Variants in RBMS3 observed in about 807,000 individuals in gnomAD.
RBMS3 encodes RNA-binding motif, single-stranded-interacting protein 3.
RBMS3 carries 27 observed loss-of-function variants against 66.8 expected under a neutral mutation model. The observed-to-expected ratio is 0.40, with a 90% confidence interval of 0.30 to 0.56. The LOEUF (loss-of-function observed/expected upper bound fraction) is 0.56. Ranked by LOEUF, RBMS3 falls within the 20% of genes least tolerant of loss-of-function variation. The pLI, the probability that RBMS3 is intolerant of heterozygous loss-of-function variation, is 0.40. For synonymous variants in RBMS3, 188 were observed against 183.0 expected (o/e 1.03, Z -0.22); for missense variants, 513 against 549.5 (o/e 0.93, Z 0.66).
rs149764074 is a variant in RBMS3 at position 29,818,567 on chromosome 3, A to G, written c.638-50291A>G. Reference sequence around the variant, plus strand: ...AATCTTTAAACACAAATGTTGTGAAAAGTTTTATATATTTATGAATACTAT... The same window carrying G: ...AATCTTTAAACACAAATGTTGTGAAGAGTTTTATATATTTATGAATACTAT... On this transcript the variant is annotated intron_variant, in intron 6 of 14. Coordinates refer to ENST00000383767, the MANE Select transcript of RBMS3 (RefSeq NM_001003793.3). Among the ~76,000 whole-genome samples the G allele has an allele frequency of 4.5e-3, 692 of 152,186 alleles. 19 individuals carry two copies. The highest frequency in any genetic ancestry group is 0.034 in the Admixed American group (520 of 15,272).
chr3:29,709,424 T>A (rs73829315), intron 4 of RBMS3, among the ~76,000 whole-genome samples: 1 of 152,108 alleles, frequency 6.6e-6, no homozygotes, highest in African/African-American at 2.4e-5. Flanking sequence ...GTATCAGCTC[T>A]TGATGGAATT....
At chr3:29,649,076 C>A (rs1483059840) in intron 4 of RBMS3, among the ~76,000 whole-genome samples, 6 of 152,152 alleles carry the variant, frequency 3.9e-5, no homozygotes, top group Admixed American at 2.0e-4. Context: ...AGTATAACTT[C>A]TTTGGTCTAA....
chr3:29,514,658 T>TATATATATATATATATATATAC (rs1559427296), intron 3 of RBMS3, among the ~76,000 whole-genome samples: 7 of 142,040 alleles, frequency 4.9e-5, no homozygotes, highest in African/African-American at 1.9e-4. Context: ...CACATATATA[T>TATATATATATATATATATATAC]ATATATATAT....
intron 6 of RBMS3, among the ~76,000 whole-genome samples, chr3:29,775,498 T>C (rs750746925): frequency 1.3e-5 from 2 of 151,992 alleles, no homozygotes; most frequent in Non-Finnish European, 2.9e-5. Flanking sequence ...AATTTGTGAG[T>C]AGCATGCGAA....
intron 4 of RBMS3, among the ~76,000 whole-genome samples, chr3:29,724,445 A>G (rs1044784381): frequency 6.6e-6 from 1 of 152,152 alleles, no homozygotes; most frequent in Non-Finnish European, 1.5e-5. Context: ...CTCTAAGGTT[A>G]TTAGTATTAT....
intron 4 of RBMS3, among the ~76,000 whole-genome samples, chr3:29,714,056 A>C (rs1398808521): frequency 6.6e-6 from 1 of 151,180 alleles, no homozygotes; most frequent in East Asian, 1.9e-4. Context: ...CTCTGTCTCA[A>C]AAAAACAAAA....
At chr3:29,997,849 A>G (rs1009106678) in intron 14 of RBMS3, among the ~76,000 whole-genome samples, 6 of 152,170 alleles carry the variant, frequency 3.9e-5, no homozygotes, top group Admixed American at 1.3e-4. Flanking sequence ...TTCCCTTTGA[A>G]AACTGGCACA....
intron 6 of RBMS3, among the ~76,000 whole-genome samples, chr3:29,798,190 A>G (rs1309154297): frequency 1.3e-5 from 2 of 150,228 alleles, no homozygotes; most frequent in Non-Finnish European, 3.0e-5. Context: ...TAAAATAATA[A>G]TAAAGCTTGA....
chr3:29,488,510 G>C lies in RBMS3; in HGVS notation c.307+11G>C, dbSNP rs370889559. On this transcript the variant is annotated intron_variant, in intron 3 of 14. Coordinates refer to ENST00000383767, the MANE Select transcript of RBMS3 (RefSeq NM_001003793.3). ...CAAATCAGTGCAAAGGTATGTGTAAGGGCATCCGTACCCTGAAATCTTGCC... is the reference window on the plus strand; with the variant it reads ...CAAATCAGTGCAAAGGTATGTGTAACGGCATCCGTACCCTGAAATCTTGCC... 3.7e-6 allele frequency: 6 copies of C among 1,606,952 alleles called. No homozygotes were observed. The highest frequency in any genetic ancestry group is 5.1e-6 in the Non-Finnish European group (6 of 1,173,974).
At chr3:29,811,619 T>A (rs556365448) in intron 6 of RBMS3, among the ~76,000 whole-genome samples, 17 of 152,180 alleles carry the variant, frequency 1.1e-4, no homozygotes, top group African/African-American at 4.1e-4. Context: ...ACTTGTTCCC[T>A]CTCCCCCATT....
At chr3:29,802,770 C>T (rs1369089373) in intron 6 of RBMS3, among the ~76,000 whole-genome samples, 1 of 151,988 alleles carries the variant, frequency 6.6e-6, no homozygotes, top group Non-Finnish European at 1.5e-5. Flanking sequence ...GATTGGTGGC[C>T]TAGTAGAGTT....
intron 4 of RBMS3, among the ~76,000 whole-genome samples, chr3:29,735,529 A>C (rs2054339679): frequency 6.6e-6 from 1 of 152,228 alleles, no homozygotes; most frequent in African/African-American, 2.4e-5. Flanking sequence ...AATTGTAGTC[A>C]TATACTTTTA....
intron 4 of RBMS3, among the ~76,000 whole-genome samples, chr3:29,737,194 CT>C (rs2054420543): frequency 6.6e-6 from 1 of 152,122 alleles, no homozygotes; most frequent in Admixed American, 6.5e-5. Context: ...CCAGGGTGGT[CT>C]CGACCTCCTG....
At chr3:29,351,428 C>G (rs1174072191) in intron 1 of RBMS3, among the ~76,000 whole-genome samples, 4 of 152,100 alleles carry the variant, frequency 2.6e-5, no homozygotes, top group South Asian at 4.1e-4. Flanking sequence ...ATTACAATCA[C>G]TGTATTTACA....
At chr3:29,674,984 C>T (rs545747396) in intron 4 of RBMS3, among the ~76,000 whole-genome samples, 161 of 152,264 alleles carry the variant, frequency 1.1e-3, no homozygotes, top group African/African-American at 3.5e-3. Flanking sequence ...GGAGGCATCA[C>T]GCTACCTGAC....
At chr3:29,397,755 C>T (rs180959092) in intron 1 of RBMS3, among the ~76,000 whole-genome samples, 44 of 152,198 alleles carry the variant, frequency 2.9e-4, no homozygotes, top group Admixed American at 8.5e-4. Flanking sequence ...TTCTGTGTCA[C>T]TCAGGCTGGA....
chr3:29,900,110 C>T (rs73831087), intron 10 of RBMS3, among the ~76,000 whole-genome samples: 3,710 of 151,768 alleles, frequency 0.024, 148 homozygotes, highest in African/African-American at 0.085. Flanking sequence ...CTCAGAACTC[C>T]GGACAATTAA....
intron 3 of RBMS3, 38 bp downstream of exon 3, chr3:29,488,537 A>G (rs767433333): frequency 2.6e-6 from 4 of 1,548,844 alleles, no homozygotes; most frequent in Non-Finnish European, 3.6e-6. Flanking sequence ...AATCTTGCCT[A>G]TGCTATCTGA....
At chr3:29,885,152 C>T (rs564888668) in intron 8 of RBMS3, among the ~76,000 whole-genome samples, 9 of 151,908 alleles carry the variant, frequency 5.9e-5, no homozygotes, top group Admixed American at 2.6e-4. Context: ...AGGCACAATG[C>T]TATGTTCTAT....
Sources: allele counts gnomAD v4.1 joint callset (sites outside exome capture counted in the v4.1 genomes callset), GRCh38; gene constraint gnomAD v4.1.1; transcripts MANE v1.5; gene names NCBI Gene and HGNC (gene_info 2026-07-23, HGNC 2026-07-21).